LILRB2: variants seen among roughly 807,000 people sequenced by gnomAD.
The protein encoded by LILRB2 is leukocyte immunoglobulin-like receptor subfamily B member 2.
A neutral mutation model predicts 72.7 loss-of-function variants in LILRB2; 47 were observed. The observed-to-expected ratio is 0.65, with a 90% CI of 0.51 to 0.82. The LOEUF (loss-of-function observed/expected upper bound fraction) is 0.82. Ranked by LOEUF, LILRB2 falls within the 40% of genes least tolerant of loss-of-function variation. LILRB2 has a pLI of 0.00. For missense variants in LILRB2, 767 were observed against 764.8 expected (o/e 1.00, Z -0.03); for synonymous variants, 279 against 313.7 (o/e 0.89, Z 1.17).
intron 13 of LILRB2, chr19:54,275,623 GA>G (rs1467916368): frequency 6.1e-5 from 33 of 544,372 alleles, no homozygotes; most frequent in Middle Eastern, 4.1e-4. Context: ...AGCTCCCTGG[GA>G]ACACTCACTG....
intron 2 of LILRB2, 43 bp downstream of exon 2, chr19:54,280,420 G>C (rs2080496748): frequency 6.2e-7 from 1 of 1,614,040 alleles, no homozygotes; most frequent in Non-Finnish European, 8.5e-7. Flanking sequence ...GTGGGGTGAG[G>C]TCCCTCCTAG....
intron 7 of LILRB2, 145 bp from the exon 8 acceptor site, chr19:54,278,084 C>A (rs562909023): frequency 1.8e-6 from 2 of 1,128,796 alleles, no homozygotes; most frequent in South Asian, 3.2e-5. Context: ...GGCGATGCCG[C>A]TGAGTGTGCG....
chr19:54,280,444 CT>C lies in LILRB2; in HGVS notation c.34+18del, dbSNP rs200095982. On this transcript the variant is annotated intron_variant, in intron 2 of 13. Transcript: ENST00000314446. ...GGTCCCTCCTAGGTTAGAAGCTCCCCTCTCTCTTCAAATCTCACCGAGACAG... is the reference window on the plus strand; with the variant it reads ...GGTCCCTCCTAGGTTAGAAGCTCCCCCTCTCTTCAAATCTCACCGAGACAG... The C allele has an allele frequency of 5.6e-3, 9,086 of 1,612,766 alleles. 315 individuals carry two copies. In the South Asian group the frequency reaches 0.071, roughly 13 times the overall value.
rs569401077 is a variant in LILRB2 at position 54,277,457 on chromosome 19, A to T, written c.1357+93T>A. On this transcript the variant is annotated intron_variant, in intron 9 of 13. Coordinates refer to ENST00000314446, the MANE Select transcript of LILRB2 (RefSeq NM_001080978.4). Reference sequence around the variant, plus strand: ...CCAGGCAGGGGAGGAGCCTGTCTACATCACCACCTCCAGAGGAGCCTGAAC... The same window carrying T: ...CCAGGCAGGGGAGGAGCCTGTCTACTTCACCACCTCCAGAGGAGCCTGAAC... 676 of 1,523,096 alleles carry T rather than the reference A, an allele frequency of 4.4e-4. 5 individuals carry two copies. In the Admixed American group the frequency reaches 0.011, roughly 24 times the overall value. 94.3% of individuals were successfully genotyped at this position (1,523,096 alleles called of 1,614,324 possible). A position where few individuals can be genotyped will look rare whatever the true frequency, so the allele number is the denominator to read the frequency against.
rs545022183 is a variant in LILRB2, at chr19:54,278,797, C to T, written c.955+15G>A. The T allele has an allele frequency of 9.9e-6, 16 of 1,610,948 alleles. No individual in the cohort carries two copies. Among genetic ancestry groups the T allele is most frequent in the African/African-American group, 6.7e-5 (5 of 74,944 alleles). On this transcript the variant is annotated intron_variant, in intron 6 of 13. Transcript: ENST00000314446. ...CAGAGTCTGGGTCCCTGACTGAACC[C>T]GCTGGGCTCCTCACCTGTGATCAGG...
In LILRB2 at chr19:54,281,028, T is replaced by G; in HGVS notation, c.-116A>C. 1 of 668,788 alleles carries G rather than the reference T, an allele frequency of 1.5e-6. No individual in the cohort carries two copies. The highest frequency in any genetic ancestry group is 2.4e-6 in the Non-Finnish European group (1 of 419,310). The allele number at this position is 668,788 out of a possible 1,614,324, so 41.4% of individuals were successfully genotyped here. A position where few individuals can be genotyped will look rare whatever the true frequency, so the allele number is the denominator to read the frequency against. ...ACCCAGGTCCATGCTGCAGGCAGAC[T>G]CAGATCAGCAGAGAAGCATCTCGCC... On this transcript the variant is annotated 5_prime_UTR_variant, in exon 1 of 14. Coordinates refer to ENST00000314446, the MANE Select transcript of LILRB2 (RefSeq NM_001080978.4).
rs1165990203 is a variant in LILRB2 at position 54,274,469 on chromosome 19, T to C, written c.*214A>G. 1 of 851,030 alleles carries C rather than the reference T, an allele frequency of 1.2e-6. No homozygotes were observed. Among genetic ancestry groups the C allele is most frequent in the South Asian group, 2.0e-5 (1 of 50,172 alleles). 52.7% of individuals were successfully genotyped at this position (851,030 alleles called of 1,614,324 possible). ...GTTTTCTCGGTTAACTCATTGATTATTGAGAAGTCTGTTGCTTTAATTAAA... is the reference window on the plus strand; with the variant it reads ...GTTTTCTCGGTTAACTCATTGATTACTGAGAAGTCTGTTGCTTTAATTAAA... On this transcript the variant is annotated 3_prime_UTR_variant, in exon 14 of 14. Transcript: ENST00000314446.
Position 54,281,034 on chromosome 19 carries a change from C to T in LILRB2, c.-122G>A, listed in dbSNP as rs762485429. The T allele has an allele frequency of 8.8e-3, 5,239 of 596,482 alleles. 1 individual carries two copies. The highest frequency in any genetic ancestry group is 0.061 in the South Asian group (4,067 of 66,738). The allele number at this position is 596,482 out of a possible 1,614,324, so 36.9% of individuals were successfully genotyped here. A position where few individuals can be genotyped will look rare whatever the true frequency, so the allele number is the denominator to read the frequency against. On this transcript the variant is annotated 5_prime_UTR_variant, in exon 1 of 14. The change abolishes the stop of an existing upstream ORF in the 5' untranslated region. Transcript: ENST00000314446. ...GTCCATGCTGCAGGCAGACTCAGATCAGCAGAGAAGCATCTCGCCTCTGGC... is the reference window on the plus strand; with the variant it reads ...GTCCATGCTGCAGGCAGACTCAGATTAGCAGAGAAGCATCTCGCCTCTGGC...
intron 7 of LILRB2, 128 bp downstream of exon 7, chr19:54,278,132 G>C (rs1279819506): frequency 1.1e-5 from 14 of 1,331,772 alleles, no homozygotes; most frequent in Admixed American, 4.8e-5. Flanking sequence ...TTCCCTCTGA[G>C]GGTGAGTCTC....
chr19:54,280,516 C>A lies in LILRB2; in HGVS notation c.-20G>T, dbSNP rs1201644072. 3.7e-6 allele frequency: 6 copies of A among 1,614,046 alleles called. No individual in the cohort carries two copies. Among genetic ancestry groups the A allele is most frequent in the Non-Finnish European group, 5.1e-6 (6 of 1,179,980 alleles). On this transcript the variant is annotated 5_prime_UTR_variant, in exon 2 of 14. It adds an upstream start codon to the 5' untranslated region. Coordinates refer to ENST00000314446, the MANE Select transcript of LILRB2 (RefSeq NM_001080978.4). The stretch of plus-strand genomic sequence containing the variant: ...GGTCATGGCGTCTCCTCCCACTGCC[C>A]TGCTCTGCGGATGGATGAGCCCTCG...
intron 5 of LILRB2, 51 bp downstream of exon 5, chr19:54,279,294 G>A (rs1242812994): frequency 1.3e-6 from 2 of 1,572,162 alleles, no homozygotes; most frequent in Non-Finnish European, 1.7e-6. Flanking sequence ...CCACCTGCCT[G>A]GAGACTCAGG....
chr19:54,277,119 C>T (rs1342847977), intron 9 of LILRB2, 190 bp from the exon 10 acceptor site: 6 of 1,492,710 alleles, frequency 4.0e-6, no homozygotes, highest in Admixed American at 3.9e-5. Flanking sequence ...CTGCCCCGGG[C>T]CCCCAGCCAG....
At chr19:54,279,214 C>A in intron 5 of LILRB2, 106 bp from the exon 6 acceptor site, 1 of 1,544,282 alleles carries the variant, frequency 6.5e-7, no homozygotes, top group Non-Finnish European at 8.7e-7. Flanking sequence ...GTGTCTCTGG[C>A]CCCAGGACCC....
chr19:54,277,799 G>T, intron 8 of LILRB2, 90 bp downstream of exon 8: 1 of 1,332,584 alleles, frequency 7.5e-7, no homozygotes, highest in Non-Finnish European at 1.1e-6. Flanking sequence ...CCTTGATTGA[G>T]TCCCTGAAGG....
chr19:54,275,117 G>C, intron 13 of LILRB2: 2 of 1,563,602 alleles, frequency 1.3e-6, no homozygotes, highest in South Asian at 2.3e-5. Flanking sequence ...TGACCTCCTG[G>C]AGTCAATTTT....
Position 54,277,942 on chromosome 19 carries a change from G to A in LILRB2, c.1259-3C>T. On this transcript the variant is annotated splice_region_variant and splice_polypyrimidine_tract_variant and intron_variant, in intron 7 of 13. Coordinates refer to ENST00000314446, the MANE Select transcript of LILRB2 (RefSeq NM_001080978.4). ...GGGGCTGGAACCCATGGAGGGTCCT[G>A]GGTGAAAGAATGAGAGGAGGGTGAG... 3 of 1,506,028 alleles carry A rather than the reference G, an allele frequency of 2.0e-6. No homozygotes were observed. The highest frequency in any genetic ancestry group is 1.4e-5 in the African/African-American group (1 of 70,884). 93.3% of individuals were successfully genotyped at this position (1,506,028 alleles called of 1,614,324 possible). A position where few individuals can be genotyped will look rare whatever the true frequency, so the allele number is the denominator to read the frequency against.
rs1229484009 is a variant in LILRB2, at chr19:54,275,955, G to C, written c.1643C>G (p.Thr548Ser). 1.3e-5 allele frequency: 21 copies of C among 1,614,030 alleles called. No individual in the cohort carries two copies. The highest frequency in any genetic ancestry group is 3.3e-5 in the South Asian group (3 of 91,088). The change falls in exon 13 of 14, where the codon ACT (threonine) becomes AGT (serine). Residue 548 changes from threonine (T) to serine (S), a missense_variant. Thr to Ser is a moderately conservative substitution (Grantham distance 58). This residue lies in a region of LILRB2 where 162 missense variants were observed against 176.7 expected (regional missense o/e 0.92). Transcript: ENST00000314446. ...TQPEDGVEMD[T>S]RAAASEAPQD... ...GGGACAGGGGCGGGGTCTCACCCGA[G>C]TGTCCATCTCCACCCCATCTTCAGG...
At chr19:54,275,090 G>T in intron 13 of LILRB2, 2 of 1,598,906 alleles carry the variant, frequency 1.3e-6, no homozygotes, top group East Asian at 2.2e-5. Flanking sequence ...GTGGTGGGGG[G>T]TGTCCTTGAG....
chr19:54,280,423 C>T (rs778661034), intron 2 of LILRB2, 40 bp downstream of exon 2: 3 of 1,613,876 alleles, frequency 1.9e-6, no homozygotes, highest in Admixed American at 1.7e-5. Context: ...GGGTGAGGTC[C>T]CTCCTAGGTT....
Sources: gnomAD v4.1 joint callset for allele counts on GRCh38, gnomAD v4.1.1 for gene constraint, gnomAD v4.1.1 regional missense constraint, MANE v1.5 for transcripts, NCBI Gene and HGNC (gene_info 2026-07-23, HGNC 2026-07-21) for gene names.